Variants in ZNF267 observed in about 807,000 individuals in gnomAD.
ZNF267 encodes zinc finger (C2H2).
In ZNF267, 61 loss-of-function variants were observed where a neutral mutation model predicts 71.6. The ratio of observed to expected loss-of-function variants is 0.85; its 90% CI spans 0.69 to 1.05. The LOEUF (loss-of-function observed/expected upper bound fraction) is 1.05, where lower values mean the gene tolerates loss of function less well. Among genes scored for constraint, ZNF267 ranks in the 50% least tolerant of loss-of-function variants. The pLI is 0.00. For missense variants in ZNF267, 852 were observed against 870.0 expected, an observed-to-expected ratio of 0.98 and a Z score of 0.26; for synonymous variants, 288 against 293.2, an observed-to-expected ratio of 0.98 and a Z score of 0.18.
intron 1 of ZNF267, among the ~76,000 whole-genome samples, chr16:31,878,949 T>C (rs1210944388): frequency 6.6e-6 from 1 of 152,190 alleles, no homozygotes; most frequent in Non-Finnish European, 1.5e-5. Context: ...TTTTCTTTTT[T>C]TTTTTCTTAA....
intron 3 of ZNF267, among the ~76,000 whole-genome samples, chr16:31,906,584 G>A (rs1169697190): frequency 2.0e-5 from 3 of 152,176 alleles, no homozygotes; most frequent in Non-Finnish European, 4.4e-5. Context: ...AGCCAGGTGC[G>A]GGATATAATC....
intron 3 of ZNF267, among the ~76,000 whole-genome samples, chr16:31,906,365 G>C (rs1281073159): frequency 2.0e-5 from 3 of 152,184 alleles, no homozygotes; most frequent in Non-Finnish European, 2.9e-5. Flanking sequence ...TCTGTGTCCT[G>C]CCCCCAGAGG....
At chr16:31,900,732 C>G (rs1490666807) in intron 3 of ZNF267, among the ~76,000 whole-genome samples, 1 of 148,670 alleles carries the variant, frequency 6.7e-6, no homozygotes, top group African/African-American at 2.5e-5. Context: ...GCATGAGTCA[C>G]TGTGCCCGGC....
chr16:31,885,473 T>C (rs1177944946), intron 3 of ZNF267, among the ~76,000 whole-genome samples: 1 of 152,250 alleles, frequency 6.6e-6, no homozygotes, highest in Non-Finnish European at 1.5e-5. Flanking sequence ...TCCGCCATCA[T>C]ATTCACAGTG....
In ZNF267 at chr16:31,915,012, C is replaced by G. The variant is rs1354527049; in HGVS notation, c.763C>G (p.Gln255Glu). 6.2e-7 allele frequency: 1 copy of G among 1,608,650 alleles called. No homozygotes were observed. Residue 255 changes from glutamine (Q) to glutamate (E), a missense_variant, in exon 4 of 4, where the codon CAG (glutamine) becomes GAG (glutamate). Transcript: ENST00000300870. ...TAAAGAATTTGAGGAAGTCTTTCTTCAGAGTATGCATGGGCAAGAGAAACA... is the reference window on the plus strand; with the variant it reads ...TAAAGAATTTGAGGAAGTCTTTCTTGAGAGTATGCATGGGCAAGAGAAACA... The part of the protein sequence containing the change: ...KCKEFEEVFL[Q>E]SMHGQEKQEQ...
At chr16:31,877,977 C>T (rs2083863879) in intron 1 of ZNF267, among the ~76,000 whole-genome samples, 1 of 152,152 alleles carries the variant, frequency 6.6e-6, no homozygotes, top group Non-Finnish European at 1.5e-5. Context: ...CCTCGATTTA[C>T]AGGCAGTAGC....
intron 3 of ZNF267, among the ~76,000 whole-genome samples, chr16:31,905,033 C>A (rs1439404484): frequency 6.6e-6 from 1 of 152,030 alleles, no homozygotes; most frequent in Non-Finnish European, 1.5e-5. Flanking sequence ...TTTATTTCTC[C>A]TTCACTTATG....
At chr16:31,905,938 A>T (rs1019772189) in intron 3 of ZNF267, among the ~76,000 whole-genome samples, 1 of 151,960 alleles carries the variant, frequency 6.6e-6, no homozygotes, top group Non-Finnish European at 1.5e-5. Context: ...GTCTTTGATG[A>T]TGGTGACGTA....
chr16:31,915,766 G>T lies in ZNF267; in HGVS notation c.1517G>T (p.Cys506Phe). Residue 506 changes from cysteine to phenylalanine, a missense_variant, in exon 4 of 4, where the codon TGC becomes TTC. Physicochemically the swap from Cys to Phe is radical, Grantham distance 205. Coordinates refer to ENST00000300870, the MANE Select transcript of ZNF267 (RefSeq NM_003414.6). ...GGCAAAGTCTTTAGCCGTAGTTCTTGCCTTACTCAACATCGGAAAATTCAT... is the reference window on the plus strand; with the variant it reads ...GGCAAAGTCTTTAGCCGTAGTTCTTTCCTTACTCAACATCGGAAAATTCAT... ...ECGKVFSRSS[C>F]LTQHRKIHTG... 3 of 1,612,644 alleles carry T rather than the reference G, an allele frequency of 1.9e-6. No homozygotes were observed. Among genetic ancestry groups the T allele is most frequent in the Non-Finnish European group, 2.5e-6 (3 of 1,179,816 alleles).
chr16:31,884,142 A>G (rs1452699986), intron 1 of ZNF267, among the ~76,000 whole-genome samples: 1 of 152,218 alleles, frequency 6.6e-6, no homozygotes, highest in Non-Finnish European at 1.5e-5. Flanking sequence ...GTTGTATACT[A>G]TACAATTTGA....
At chr16:31,900,757 C>CTTTT (rs35863544) in intron 3 of ZNF267, among the ~76,000 whole-genome samples, 3 of 129,730 alleles carry the variant, frequency 2.3e-5, no homozygotes, top group Admixed American at 7.5e-5. Context: ...AGAATTCTTT[C>CTTTT]TTTTTTTTTT....
rs767827140 is a variant in ZNF267 at position 31,914,509 on chromosome 16, CAG to C, written c.263_264del (p.Glu88AlafsTer19). ...TCGCATTATAACAAGGACCTGTTGACAGAGCACTGCACAGAAGCTTCATTCCA... is the reference window on the plus strand; with the variant it reads ...TCGCATTATAACAAGGACCTGTTGACAGCACTGCACAGAAGCTTCATTCCA... On this transcript the variant is annotated frameshift_variant, in exon 4 of 4. Coordinates refer to ENST00000300870, the MANE Select transcript of ZNF267 (RefSeq NM_003414.6). LOFTEE classifies it high-confidence loss of function. 6.0e-5 allele frequency: 96 copies of C among 1,608,106 alleles called. No individual in the cohort carries two copies. The highest frequency in any genetic ancestry group is 7.6e-5 in the Non-Finnish European group (89 of 1,177,980).
At chr16:31,884,476 G>A (rs778409359) in intron 1 of ZNF267, 22 bp from the exon 2 acceptor site, 4 of 1,613,900 alleles carry the variant, frequency 2.5e-6, no homozygotes, top group Admixed American at 1.7e-5. Context: ...CATGGTCAGT[G>A]TATTCTTTAT....
intron 3 of ZNF267, chr16:31,894,458 T>G (rs1335811251): frequency 2.2e-6 from 1 of 451,928 alleles, no homozygotes; most frequent in Non-Finnish European, 4.3e-6. Context: ...GTTAGTGTTT[T>G]TTTTTTCTGA....
At position 31,916,352 on chromosome 16, in the gene ZNF267, A is replaced by G; in HGVS notation, c.2103A>G (p.Ser701=). The change falls in exon 4 of 4, where the codon TCA becomes TCG. Residue 701 remains serine, a synonymous_variant. Transcript: ENST00000300870. ...GTGGTAAAGCCTTCAGCTATAGGTC[A>G]TACCTCACTACACATCGGAGAAGTC... ...DECGKAFSYR[S]YLTTHRRSHS... is the part of the protein sequence containing the mutation. The G allele has an allele frequency of 6.2e-7, 1 of 1,614,060 alleles. No individual in the cohort carries two copies. Among genetic ancestry groups the G allele is most frequent in the Non-Finnish European group, 8.5e-7 (1 of 1,179,968 alleles).
chr16:31,915,065 T>G lies in ZNF267; in HGVS notation c.816T>G (p.Cys272Trp). 6.2e-7 allele frequency: 1 copy of G among 1,613,452 alleles called. No homozygotes were observed. Among genetic ancestry groups the G allele is most frequent in the Non-Finnish European group, 8.5e-7 (1 of 1,179,800 alleles). Residue 272 changes from cysteine to tryptophan, a missense_variant, in exon 4 of 4, where the codon TGT (cysteine) becomes TGG (tryptophan). Coordinates refer to ENST00000300870, the MANE Select transcript of ZNF267 (RefSeq NM_003414.6). ...KQEQSYKCNK[C>W]VEVCTQSLKH... ...AACAGTCTTACAAATGTAATAAATG[T>G]GTAGAAGTTTGTACCCAGTCATTAA...
At chr16:31,893,967 G>A (rs1463078501) in intron 3 of ZNF267, among the ~76,000 whole-genome samples, 1 of 152,196 alleles carries the variant, frequency 6.6e-6, no homozygotes, top group Non-Finnish European at 1.5e-5. Flanking sequence ...CTTGGCAGAT[G>A]GTCCTAGTGA....
At chr16:31,900,035 T>TTA (rs200466632) in intron 3 of ZNF267, among the ~76,000 whole-genome samples, 221 of 151,262 alleles carry the variant, frequency 1.5e-3, no homozygotes, top group African/African-American at 4.2e-3. Context: ...ATGTGTTTAT[T>TTA]TATATATATA....
At chr16:31,898,860 T>C (rs1045232971) in intron 3 of ZNF267, among the ~76,000 whole-genome samples, 2 of 152,018 alleles carry the variant, frequency 1.3e-5, no homozygotes, top group African/African-American at 2.4e-5. Flanking sequence ...GCCAAGCAGA[T>C]GGAAAGCAAA....
Sources: allele counts gnomAD v4.1 joint callset (sites outside exome capture counted in the v4.1 genomes callset), GRCh38; gene constraint gnomAD v4.1.1; transcripts MANE v1.5; gene names NCBI Gene and HGNC (gene_info 2026-07-23, HGNC 2026-07-21).